Variants in GFPT1 observed in about 807,000 individuals in gnomAD.
GFPT1 encodes glutamine--fructose-6-phosphate transaminase 1, also known as glutamine--fructose-6-phosphate aminotransferase [isomerizing] 1.
In GFPT1, 40 loss-of-function variants were observed where a neutral mutation model predicts 92.0. The observed-to-expected ratio is 0.43, with a 90% confidence interval of 0.34 to 0.57. The LOEUF (loss-of-function observed/expected upper bound fraction) is 0.57, where lower values mean the gene tolerates loss of function less well. Among genes scored for constraint, GFPT1 ranks in the 20% least tolerant of loss-of-function variants. The pLI is 0.02. For synonymous variants in GFPT1, 269 were observed against 280.6 expected, an observed-to-expected ratio of 0.96 and a Z score of 0.41; for missense variants, 448 against 869.1, an observed-to-expected ratio of 0.52 and a Z score of 6.09.
rs576618872 is a variant in GFPT1 at position 69,354,248 on chromosome 2, G to A, written c.739+11C>T. The A allele has an allele frequency of 3.0e-5, 47 of 1,563,622 alleles. No homozygotes were observed. Among genetic ancestry groups the A allele is most frequent in the African/African-American group, 1.7e-4 (13 of 74,336 alleles). Reference sequence around the variant, plus strand: ...AAGATCCTCCCCATCCATGCAGAGTGCATTTCCCACCTCTTTCTCCCTGTG... The same window carrying A: ...AAGATCCTCCCCATCCATGCAGAGTACATTTCCCACCTCTTTCTCCCTGTG... On this transcript the variant is annotated intron_variant, in intron 9 of 19. Coordinates refer to ENST00000357308, the MANE Select transcript of GFPT1 (RefSeq NM_001244710.2).
At chr2:69,374,438 C>A (rs1181500234) in intron 1 of GFPT1, among the ~76,000 whole-genome samples, 1 of 151,940 alleles carries the variant, frequency 6.6e-6, no homozygotes, top group Non-Finnish European at 1.5e-5. Context: ...CTCAGCCTCC[C>A]GAGTAGCTGG....
chr2:69,386,005 C>G (rs1302831635), intron 1 of GFPT1, among the ~76,000 whole-genome samples: 2 of 146,016 alleles, frequency 1.4e-5, no homozygotes, highest in African/African-American at 5.1e-5. Context: ...GTTTTCAATT[C>G]TCTTACAATG....
chr2:69,354,322 C>T lies in GFPT1; in HGVS notation c.686-10G>A. 1.3e-6 allele frequency: 2 copies of T among 1,586,020 alleles called. No homozygotes were observed. The highest frequency in any genetic ancestry group is 1.7e-6 in the Non-Finnish European group (2 of 1,170,430). ...CCAATCTGAGTCCTAGCTAAGGATA[C>T]ACAACAGAAAAAAATTCTAATCATC... On this transcript the variant is annotated splice_polypyrimidine_tract_variant and intron_variant, in intron 8 of 19. Coordinates refer to ENST00000357308, the MANE Select transcript of GFPT1 (RefSeq NM_001244710.2).
chr2:69,326,628 T>C (rs1021601928), intron 19 of GFPT1, among the ~76,000 whole-genome samples: 2 of 152,174 alleles, frequency 1.3e-5, no homozygotes, highest in African/African-American at 4.8e-5. Flanking sequence ...TCCTGCCAAA[T>C]GCCAATAGCT....
At position 69,322,390 on chromosome 2, in the gene GFPT1, TAAAAGGGG is replaced by T. The variant is rs1210553083; in HGVS notation, c.*3791_*3798del. 6.6e-6 allele frequency: 1 copy of T among 151,982 alleles called. No homozygotes were observed. The highest frequency in any genetic ancestry group is 2.4e-5 in the African/African-American group (1 of 41,352). 9.4% of individuals were successfully genotyped at this position (151,982 alleles called of 1,614,324 possible). ...TTGCTATGGTATATGCTAATTTTTT[TAAAAGGGG>T]AAAAAAAAACCCAGAGAACTTATTA... is the stretch of plus-strand genomic sequence containing the variant. On this transcript the variant is annotated 3_prime_UTR_variant, in exon 20 of 20. Coordinates refer to ENST00000357308, the MANE Select transcript of GFPT1 (RefSeq NM_001244710.2).
In GFPT1 at chr2:69,319,885, T is replaced by G. The variant is rs565532016; in HGVS notation, c.*6304A>C. On this transcript the variant is annotated 3_prime_UTR_variant, in exon 20 of 20. Coordinates refer to ENST00000357308, the MANE Select transcript of GFPT1 (RefSeq NM_001244710.2). ...AAACAATTCTACATACAAAGTACAATAGGAAAAAACCAAAAGCCCCCATAA... is the reference window on the plus strand; with the variant it reads ...AAACAATTCTACATACAAAGTACAAGAGGAAAAAACCAAAAGCCCCCATAA... 6.6e-6 allele frequency: 1 copy of G among 152,084 alleles called. No homozygotes were observed. The highest frequency in any genetic ancestry group is 2.4e-5 in the African/African-American group (1 of 41,404). The allele number at this position is 152,084 out of a possible 1,614,324, so 9.4% of individuals were successfully genotyped here. A position where few individuals can be genotyped will look rare whatever the true frequency, so the allele number is the denominator to read the frequency against.
chr2:69,376,264 T>A (rs1671867492), intron 1 of GFPT1, among the ~76,000 whole-genome samples: 1 of 152,124 alleles, frequency 6.6e-6, no homozygotes, highest in Non-Finnish European at 1.5e-5. Context: ...TAATCCCAAC[T>A]TTGGGAAGCT....
chr2:69,354,435 T>G, intron 8 of GFPT1, 54 bp downstream of exon 8: 4 of 1,309,140 alleles, frequency 3.1e-6, no homozygotes, highest in Non-Finnish European at 4.4e-6. Flanking sequence ...TATTCCAACT[T>G]AAGGAAAATA....
chr2:69,384,226 C>T (rs944547530), intron 1 of GFPT1, among the ~76,000 whole-genome samples: 22 of 152,216 alleles, frequency 1.4e-4, no homozygotes, highest in South Asian at 6.2e-4. Flanking sequence ...AACATTACCA[C>T]GCGATTTAAT....
At chr2:69,336,339 C>CAAAAAAAA (rs61141681) in intron 15 of GFPT1, among the ~76,000 whole-genome samples, 7 of 97,932 alleles carry the variant, frequency 7.1e-5, no homozygotes, top group East Asian at 3.1e-4. Flanking sequence ...AGTCTGTCTC[C>CAAAAAAAA]AAAAAAAAAA....
intron 4 of GFPT1, among the ~76,000 whole-genome samples, chr2:69,359,683 G>C (rs1373486125): frequency 6.6e-6 from 1 of 152,196 alleles, no homozygotes; most frequent in African/African-American, 2.4e-5. Context: ...CAAAATGAGA[G>C]AGCTGAACTA....
rs570162884 is a variant in GFPT1 at position 69,362,106 on chromosome 2, C to T, written c.349+1439G>A. Among the ~76,000 whole-genome samples, 6 of 152,076 alleles carry T rather than the reference C, an allele frequency of 3.9e-5. No individual in the cohort carries two copies. The South Asian group carries it at 1.0e-3, about 26-fold the overall frequency. ...CTCAATAATTGGTGAATGTTACCTA[C>T]GAGGGGAATAAGAGGAAACAGAAGA... On this transcript the variant is annotated intron_variant, in intron 4 of 19. Coordinates refer to ENST00000357308, the MANE Select transcript of GFPT1 (RefSeq NM_001244710.2).
chr2:69,350,365 A>T (rs1188805782), intron 9 of GFPT1, among the ~76,000 whole-genome samples, 182 bp from the exon 10 acceptor site: 1 of 152,230 alleles, frequency 6.6e-6, no homozygotes, highest in East Asian at 1.9e-4. Flanking sequence ...ACAGACAAAA[A>T]GTGTACAGTG....
chr2:69,346,105 CA>C (rs1000582711), intron 11 of GFPT1, 106 bp from the exon 12 acceptor site: 1 of 729,854 alleles, frequency 1.4e-6, no homozygotes, highest in Non-Finnish European at 2.4e-6. Flanking sequence ...TAAAATATAA[CA>C]AAAGTTCATG....
chr2:69,374,391 G>A (rs1229751581), intron 1 of GFPT1, among the ~76,000 whole-genome samples: 4 of 151,812 alleles, frequency 2.6e-5, no homozygotes, highest in African/African-American at 9.7e-5. Context: ...TCGGCTCACG[G>A]CAAGCTCCGC....
At position 69,338,432 on chromosome 2, in the gene GFPT1, A is replaced by T. The variant is rs1361211272; in HGVS notation, c.1324+13T>A. The T allele has an allele frequency of 6.8e-6, 8 of 1,168,144 alleles. No individual in the cohort carries two copies. In the South Asian group the frequency reaches 1.2e-4, roughly 17 times the overall value. 72.4% of individuals were successfully genotyped at this position (1,168,144 alleles called of 1,614,324 possible). ...TAACTTTCCTTCCTTTTAAGTCTTT[A>T]AAATTAACACACCTGATTGACTAAG... On this transcript the variant is annotated intron_variant, in intron 14 of 19. Transcript: ENST00000357308.
At chr2:69,371,967 C>T (rs1484944811) in intron 2 of GFPT1, among the ~76,000 whole-genome samples, 3 of 148,704 alleles carry the variant, frequency 2.0e-5, no homozygotes, top group South Asian at 2.2e-4. Context: ...TTTGGGAGGC[C>T]GAGGCGGGCA....
At position 69,321,277 on chromosome 2, in the gene GFPT1, G is replaced by C. The variant is rs1249453066; in HGVS notation, c.*4912C>G. ...GGAGTTTGGTATCAGAAAGGGCAGA[G>C]CCTTTGTTTTATCTAACGATTCTTT... On this transcript the variant is annotated 3_prime_UTR_variant, in exon 20 of 20. Coordinates refer to ENST00000357308, the MANE Select transcript of GFPT1 (RefSeq NM_001244710.2). 1 of 152,214 alleles carries C rather than the reference G, an allele frequency of 6.6e-6. No homozygotes were observed. The highest frequency in any genetic ancestry group is 1.5e-5 in the Non-Finnish European group (1 of 68,030). The allele number at this position is 152,214 out of a possible 1,614,324, so 9.4% of individuals were successfully genotyped here.
At chr2:69,329,958 CT>C (rs1670621214) in intron 15 of GFPT1, among the ~76,000 whole-genome samples, 160 bp from the exon 16 acceptor site, 2 of 152,312 alleles carry the variant, frequency 1.3e-5, no homozygotes, top group Non-Finnish European at 2.9e-5. Context: ...TGGCTCATGC[CT>C]GTAATCTCAG....
Sources: allele counts gnomAD v4.1 joint callset (sites outside exome capture counted in the v4.1 genomes callset), GRCh38; gene constraint gnomAD v4.1.1; transcripts MANE v1.5; gene names NCBI Gene and HGNC (gene_info 2026-07-23, HGNC 2026-07-21).